The following PEX5L variants were observed in gnomAD, a reference collection of about 807,000 sequenced individuals.
The protein encoded by PEX5L is PEX5-related protein.
A neutral mutation model predicts 84.0 loss-of-function variants in PEX5L; 30 were observed. That is an observed-to-expected ratio of 0.36 (90% CI 0.27 to 0.48). The LOEUF (loss-of-function observed/expected upper bound fraction) is 0.48, where lower values mean the gene tolerates loss of function less well. PEX5L is among the 20% of genes least tolerant of loss of function. The pLI, the probability that PEX5L is intolerant of heterozygous loss-of-function variation, is 0.99. For missense variants in PEX5L, 533 were observed against 754.6 expected, an observed-to-expected ratio of 0.71 and a Z score of 3.44; for synonymous variants, 270 against 283.1, an observed-to-expected ratio of 0.95 and a Z score of 0.46.
chr3:179,993,081 A>G (rs1787538406), intron 1 of PEX5L, among the ~76,000 whole-genome samples: 1 of 152,156 alleles, frequency 6.6e-6, no homozygotes, highest in Non-Finnish European at 1.5e-5. Flanking sequence ...TAGAAAATAT[A>G]GATAAGAAAA....
intron 1 of PEX5L, among the ~76,000 whole-genome samples, chr3:180,012,026 G>T (rs992124561): frequency 6.6e-6 from 1 of 152,116 alleles, no homozygotes. Context: ...CCCTTAATTT[G>T]ATTTTTTCCT....
intron 1 of PEX5L, among the ~76,000 whole-genome samples, chr3:180,010,297 T>C (rs1266514086): frequency 1.4e-5 from 2 of 140,618 alleles, no homozygotes; most frequent in Admixed American, 7.1e-5. Flanking sequence ...CTATGTTGCC[T>C]AGGCTGGCCT....
chr3:180,005,396 G>A (rs982929933), intron 1 of PEX5L, among the ~76,000 whole-genome samples: 1 of 152,200 alleles, frequency 6.6e-6, no homozygotes, highest in Middle Eastern at 3.4e-3. Flanking sequence ...GAGTAGCTAT[G>A]ACTACAATCA....
At chr3:179,812,039 T>G (rs996470810) in intron 10 of PEX5L, among the ~76,000 whole-genome samples, 168 bp from the exon 11 acceptor site, 1 of 152,202 alleles carries the variant, frequency 6.6e-6, no homozygotes, top group Non-Finnish European at 1.5e-5. Context: ...TCAAACTCTC[T>G]TGTGACACCT....
chr3:179,943,935 T>C (rs867550265), intron 2 of PEX5L, among the ~76,000 whole-genome samples: 7 of 152,070 alleles, frequency 4.6e-5, no homozygotes, highest in Non-Finnish European at 7.4e-5. Flanking sequence ...AACTCACACA[T>C]TGAGGACAAG....
chr3:179,856,906 A>G (rs1343976017), intron 8 of PEX5L, among the ~76,000 whole-genome samples: 1 of 152,242 alleles, frequency 6.6e-6, no homozygotes, highest in African/African-American at 2.4e-5. Flanking sequence ...CTCAACTTAC[A>G]GGTGATATGA....
At chr3:179,918,080 C>A (rs1269007373) in intron 2 of PEX5L, among the ~76,000 whole-genome samples, 1 of 152,180 alleles carries the variant, frequency 6.6e-6, no homozygotes, top group Non-Finnish European at 1.5e-5. Flanking sequence ...CTGGGAAGAA[C>A]TAGTAAGTGT....
intron 1 of PEX5L, among the ~76,000 whole-genome samples, chr3:180,001,031 C>T (rs1202042876): frequency 6.6e-6 from 1 of 152,088 alleles, no homozygotes; most frequent in African/African-American, 2.4e-5. Flanking sequence ...ACATTTGAGT[C>T]AGTGGGCTGG....
chr3:179,811,217 ATGTG>A (rs59791968), intron 11 of PEX5L, among the ~76,000 whole-genome samples: 75,943 of 149,978 alleles, frequency 0.51, 19,369 homozygotes, highest in East Asian at 0.7. Context: ...TATGGAATGT[ATGTG>A]TGTGTGTGTG....
intron 2 of PEX5L, among the ~76,000 whole-genome samples, chr3:179,957,862 G>A (rs1050853111): frequency 1.3e-5 from 2 of 152,198 alleles, no homozygotes; most frequent in Non-Finnish European, 2.9e-5. Flanking sequence ...CTGGTCACCT[G>A]GTCCTGGCCA....
chr3:179,985,868 C>CT lies in PEX5L; in HGVS notation c.22-14204dup, dbSNP rs532799610. On this transcript the variant is annotated intron_variant, in intron 1 of 14. Coordinates refer to ENST00000467460, the MANE Select transcript of PEX5L (RefSeq NM_016559.3). ...TTCTGACCCAGGCTTCCAGTCCACT[C>CT]TTGTGGAGGCCGCACTCGGGCTAAA... 3.4e-3 allele frequency among the ~76,000 whole-genome samples: 519 copies of CT among 152,212 alleles called. 4 individuals carry two copies. Among genetic ancestry groups the CT allele is most frequent in the Non-Finnish European group, 6.0e-3 (408 of 68,026 alleles).
intron 1 of PEX5L, among the ~76,000 whole-genome samples, chr3:179,986,611 C>G (rs934895735): frequency 6.6e-6 from 1 of 151,986 alleles, no homozygotes; most frequent in Non-Finnish European, 1.5e-5. Flanking sequence ...ACCGTGTTAG[C>G]CAGGATAGTC....
intron 1 of PEX5L, among the ~76,000 whole-genome samples, chr3:180,025,361 G>C (rs1396711380): frequency 6.6e-6 from 1 of 152,128 alleles, no homozygotes; most frequent in East Asian, 1.9e-4. Flanking sequence ...ACTATGTAAA[G>C]AGTATATACT....
chr3:179,913,904 C>A lies in PEX5L; in HGVS notation c.94-15658G>T, dbSNP rs573109617. ...TAATTATTTTATTTTTAAGTTATAT[C>A]ATATCATGTTAACATTTTTATCTCT... On this transcript the variant is annotated intron_variant, in intron 2 of 14. Transcript: ENST00000467460. Among the ~76,000 whole-genome samples, 3 of 152,182 alleles carry A rather than the reference C, an allele frequency of 2.0e-5. No individual in the cohort carries two copies. The South Asian group carries it at 6.2e-4, about 32-fold the overall frequency.
intron 1 of PEX5L, among the ~76,000 whole-genome samples, chr3:179,986,558 A>G (rs1003587821): frequency 2.6e-5 from 4 of 151,752 alleles, no homozygotes; most frequent in South Asian, 4.2e-4. Flanking sequence ...GCCCGCCACC[A>G]CGCCCGGCTA....
chr3:179,904,395 G>T (rs902255284), intron 2 of PEX5L, among the ~76,000 whole-genome samples: 4 of 152,176 alleles, frequency 2.6e-5, no homozygotes, highest in African/African-American at 9.7e-5. Context: ...GTGATCAAGT[G>T]GGGGAAGGGA....
chr3:180,017,881 C>T (rs77386203), intron 1 of PEX5L, among the ~76,000 whole-genome samples: 1,783 of 152,136 alleles, frequency 0.012, 34 homozygotes, highest in African/African-American at 0.04. Flanking sequence ...AAAGGAATCA[C>T]GATTCAAAAT....
At chr3:179,873,141 T>C (rs995637852) in intron 7 of PEX5L, among the ~76,000 whole-genome samples, 3 of 152,188 alleles carry the variant, frequency 2.0e-5, no homozygotes, top group African/African-American at 7.2e-5. Context: ...TCTCTGCCAC[T>C]TACTAGTTGT....
intron 2 of PEX5L, among the ~76,000 whole-genome samples, chr3:179,946,090 A>G (rs1048741071): frequency 6.7e-6 from 1 of 150,074 alleles, no homozygotes; most frequent in African/African-American, 2.5e-5. Flanking sequence ...ACCTCTCTTC[A>G]TTGCTCTGTA....
Sources: gnomAD v4.1 joint callset for allele counts (sites outside exome capture counted in the v4.1 genomes callset) on GRCh38, gnomAD v4.1.1 for gene constraint, MANE v1.5 for transcripts, NCBI Gene and HGNC (gene_info 2026-07-23, HGNC 2026-07-21) for gene names.